ARHGAP10: variants seen among roughly 807,000 people sequenced by gnomAD.
ARHGAP10 encodes rho GTPase-activating protein 10.
ARHGAP10 carries 87 observed loss-of-function variants against 108.6 expected under a neutral mutation model. The ratio of observed to expected loss-of-function variants is 0.80; its 90% CI spans 0.67 to 0.96. The LOEUF is 0.96. Ranked by LOEUF, ARHGAP10 falls within the 40% of genes least tolerant of loss-of-function variation. ARHGAP10 has a pLI of 0.00. For missense variants in ARHGAP10, 939 were observed against 954.5 expected, an observed-to-expected ratio of 0.98 and a Z score of 0.21; for synonymous variants, 347 against 341.1, an observed-to-expected ratio of 1.02 and a Z score of -0.19.
At chr4:147,797,159 C>G (rs1405714792) in intron 1 of ARHGAP10, among the ~76,000 whole-genome samples, 1 of 152,066 alleles carries the variant, frequency 6.6e-6, no homozygotes, top group East Asian at 1.9e-4. Flanking sequence ...CCTCTAGTGG[C>G]CTTTTCCTTT....
intron 13 of ARHGAP10, among the ~76,000 whole-genome samples, chr4:147,928,854 A>G (rs1384262857): frequency 6.6e-6 from 1 of 152,220 alleles, no homozygotes; most frequent in Non-Finnish European, 1.5e-5. Flanking sequence ...ATTGCTTGGT[A>G]TGTGTGAAGC....
At chr4:147,882,613 T>C (rs536009599) in intron 10 of ARHGAP10, among the ~76,000 whole-genome samples, 29 of 152,266 alleles carry the variant, frequency 1.9e-4, no homozygotes, top group Non-Finnish European at 3.7e-4. Flanking sequence ...TTCATTTGTG[T>C]GTGGGGGGGT....
intron 13 of ARHGAP10, among the ~76,000 whole-genome samples, chr4:147,935,832 A>G (rs1737908341): frequency 6.6e-6 from 1 of 152,204 alleles, no homozygotes; most frequent in African/African-American, 2.4e-5. Flanking sequence ...TGCAAGGTTT[A>G]TTTAAATTTC....
In ARHGAP10 at chr4:147,782,007, G is replaced by T. The variant is rs968685715; in HGVS notation, c.155-40720G>T. ...TAAAATAAGTGGCTTTTAAAAAGTC[G>T]CTGAATAGTTTTACCGCTTAGTATG... On this transcript the variant is annotated intron_variant, in intron 1 of 22. Transcript: ENST00000336498. Among the ~76,000 whole-genome samples, 3 of 152,098 alleles carry T rather than the reference G, an allele frequency of 2.0e-5. No individual in the cohort carries two copies. In the East Asian group the frequency reaches 5.8e-4, roughly 29 times the overall value.
intron 1 of ARHGAP10, among the ~76,000 whole-genome samples, chr4:147,817,722 T>G (rs749417407): frequency 6.6e-6 from 1 of 152,200 alleles, no homozygotes; most frequent in Non-Finnish European, 1.5e-5. Flanking sequence ...ATTTGAAGGG[T>G]GCAGGTCACA....
chr4:147,973,493 A>G (rs1273923784), intron 18 of ARHGAP10, among the ~76,000 whole-genome samples: 1 of 152,152 alleles, frequency 6.6e-6, no homozygotes, highest in Non-Finnish European at 1.5e-5. Context: ...GGGGAAATGG[A>G]GTCTCCACCA....
chr4:147,888,892 G>T, intron 10 of ARHGAP10, among the ~76,000 whole-genome samples: 1 of 152,286 alleles, frequency 6.6e-6, no homozygotes, highest in South Asian at 2.1e-4. Context: ...AATGAGATAG[G>T]CTCTTCTCTT....
At chr4:147,940,184 A>G (rs921683327) in intron 14 of ARHGAP10, among the ~76,000 whole-genome samples, 4 of 152,156 alleles carry the variant, frequency 2.6e-5, no homozygotes, top group African/African-American at 9.6e-5. Flanking sequence ...TCAGGCCTCT[A>G]TGATTTGCGT....
chr4:147,818,032 T>C (rs2126780556), intron 1 of ARHGAP10, among the ~76,000 whole-genome samples: 1 of 152,266 alleles, frequency 6.6e-6, no homozygotes, highest in African/African-American at 2.4e-5. Context: ...GGAAAGGACA[T>C]TGGTGGGAGT....
intron 13 of ARHGAP10, among the ~76,000 whole-genome samples, chr4:147,917,673 G>T (rs1474170890): frequency 1.3e-5 from 2 of 152,138 alleles, no homozygotes; most frequent in East Asian, 1.9e-4. Flanking sequence ...TCTAGATTAG[G>T]TTGTATATTT....
At chr4:147,753,266 G>T (rs1326568652) in intron 1 of ARHGAP10, among the ~76,000 whole-genome samples, 1 of 152,132 alleles carries the variant, frequency 6.6e-6, no homozygotes, top group Non-Finnish European at 1.5e-5. Flanking sequence ...GCCTGCAGCG[G>T]CCACTTAGAT....
intron 20 of ARHGAP10, among the ~76,000 whole-genome samples, chr4:148,060,965 G>C (rs1247792365): frequency 6.6e-6 from 1 of 152,164 alleles, no homozygotes; most frequent in Admixed American, 6.5e-5. Context: ...GAGAAAGCCA[G>C]GGTGCGGGAC....
At chr4:148,043,126 T>C (rs2149677572) in intron 19 of ARHGAP10, among the ~76,000 whole-genome samples, 1 of 152,132 alleles carries the variant, frequency 6.6e-6, no homozygotes, top group Middle Eastern at 3.4e-3. Context: ...AAATGCAAAA[T>C]TGATGGCTGC....
intron 13 of ARHGAP10, among the ~76,000 whole-genome samples, chr4:147,923,807 G>T (rs1172478862): frequency 3.3e-5 from 5 of 152,214 alleles, no homozygotes; most frequent in African/African-American, 7.2e-5. Context: ...TCTGGTAGAA[G>T]ATTACAATGT....
chr4:147,872,995 A>G (rs561785672), intron 7 of ARHGAP10, among the ~76,000 whole-genome samples: 48 of 152,164 alleles, frequency 3.2e-4, no homozygotes, highest in African/African-American at 1.1e-3. Context: ...TGGGGAGGAA[A>G]ATCCATGTGT....
rs33975020 is a variant in ARHGAP10, at chr4:147,891,956, A to AC, written c.1034+10031dup. On this transcript the variant is annotated intron_variant, in intron 10 of 22. Transcript: ENST00000336498. ...TTGCCACATGCCACTTTGTGCTGTG[A>AC]CCCCCCCACACATTTGCTTGATAAA... Among the ~76,000 whole-genome samples the AC allele has an allele frequency of 6.3e-4, 96 of 151,508 alleles. 3 individuals are homozygous for AC. Among genetic ancestry groups the AC allele is most frequent in the African/African-American group, 2.0e-3 (82 of 41,226 alleles).
At chr4:147,873,441 C>T (rs983497182) in intron 7 of ARHGAP10, among the ~76,000 whole-genome samples, 9 of 151,404 alleles carry the variant, frequency 5.9e-5, no homozygotes, top group African/African-American at 1.9e-4. Context: ...ATTATACACA[C>T]ATGGGGGGAA....
chr4:147,901,545 C>A (rs1230354001), intron 10 of ARHGAP10, among the ~76,000 whole-genome samples: 1 of 152,198 alleles, frequency 6.6e-6, no homozygotes, highest in Non-Finnish European at 1.5e-5. Flanking sequence ...CAAATTTGTT[C>A]TCTGCTGGCT....
At chr4:148,016,616 A>G (rs926307650) in intron 18 of ARHGAP10, among the ~76,000 whole-genome samples, 5 of 152,300 alleles carry the variant, frequency 3.3e-5, no homozygotes, top group Admixed American at 3.3e-4. Context: ...GGTTTTTCCT[A>G]CACACCAAGC....
Sources: allele counts gnomAD v4.1 joint callset (sites outside exome capture counted in the v4.1 genomes callset), GRCh38; gene constraint gnomAD v4.1.1; transcripts MANE v1.5; gene names NCBI Gene and HGNC (gene_info 2026-07-23, HGNC 2026-07-21).